The following AIM2 variants were observed in gnomAD, a reference collection of about 807,000 sequenced individuals.
The protein encoded by AIM2 is interferon-inducible protein AIM2.
In AIM2, 30 loss-of-function variants were observed where a neutral mutation model predicts 27.7. The ratio of observed to expected loss-of-function variants is 1.08; its 90% CI spans 0.81 to 1.47. The LOEUF (loss-of-function observed/expected upper bound fraction) is 1.47. Ranked by LOEUF, AIM2 falls within the 40% of genes most tolerant of loss-of-function variation. The pLI, the probability that AIM2 is intolerant of heterozygous loss-of-function variation, is 0.00. For synonymous variants in AIM2, 141 were observed against 145.3 expected (o/e 0.97, Z 0.21); for missense variants, 358 against 411.3 (o/e 0.87, Z 1.12).
upstream of AIM2, among the ~76,000 whole-genome samples, chr1:159,143,725 T>A (rs1473719973): frequency 2.0e-5 from 3 of 152,144 alleles, no homozygotes; most frequent in African/African-American, 7.2e-5. Flanking sequence ...GATCATGTGT[T>A]GTCTACAACC....
chr1:159,101,045 T>C (rs919096766), intron 1 of AIM2, among the ~76,000 whole-genome samples: 1 of 152,188 alleles, frequency 6.6e-6, no homozygotes, highest in African/African-American at 2.4e-5. Flanking sequence ...TCATCACAGA[T>C]AAGTTAGACA....
intron 2 of AIM2, among the ~76,000 whole-genome samples, chr1:159,069,165 A>G (rs1656245750): frequency 6.6e-6 from 1 of 151,928 alleles, no homozygotes; most frequent in Non-Finnish European, 1.5e-5. Context: ...AAAGACAAGA[A>G]ACAAAAACTA....
chr1:159,075,380 T>C (rs954933900), intron 1 of AIM2, among the ~76,000 whole-genome samples: 2 of 151,270 alleles, frequency 1.3e-5, no homozygotes, highest in Non-Finnish European at 2.9e-5. Flanking sequence ...GTTCCTTAAA[T>C]AAGGCACAAA....
At chr1:159,077,792 T>C (rs1256558876), upstream of AIM2, among the ~76,000 whole-genome samples, 1 of 152,176 alleles carries the variant, frequency 6.6e-6, no homozygotes, top group African/African-American at 2.4e-5. Flanking sequence ...GCAATTTACT[T>C]GAGGTTTTCC....
chr1:159,111,355 C>T (rs1298412578), intron 1 of AIM2, among the ~76,000 whole-genome samples: 3 of 152,104 alleles, frequency 2.0e-5, no homozygotes, highest in East Asian at 3.9e-4. Flanking sequence ...GCAAAATAGA[C>T]GTTGTTATTT....
chr1:159,065,836 C>T, intron 4 of AIM2, 74 bp downstream of exon 4: 3 of 1,457,394 alleles, frequency 2.1e-6, no homozygotes, highest in Admixed American at 2.4e-5. Flanking sequence ...AAACCATTTC[C>T]AAAGTTTCTT....
chr1:159,118,403 CA>C (rs1186204481), intron 1 of AIM2, among the ~76,000 whole-genome samples: 1 of 152,058 alleles, frequency 6.6e-6, no homozygotes, highest in South Asian at 2.1e-4. Context: ...GGAATCTGAA[CA>C]AAAGTCTTGA....
intron 1 of AIM2, among the ~76,000 whole-genome samples, chr1:159,146,368 C>A (rs994226448): frequency 6.6e-6 from 1 of 152,120 alleles, no homozygotes; most frequent in South Asian, 2.1e-4. Flanking sequence ...CCTGCTGTTT[C>A]TAACCCCAAG....
At chr1:159,069,999 G>C (rs1656281021) in intron 2 of AIM2, among the ~76,000 whole-genome samples, 1 of 152,144 alleles carries the variant, frequency 6.6e-6, no homozygotes, top group Non-Finnish European at 1.5e-5. Context: ...TTCACACAGT[G>C]TTCCCTCTGA....
chr1:159,141,913 G>A (rs568905645), upstream of AIM2, among the ~76,000 whole-genome samples: 1 of 152,284 alleles, frequency 6.6e-6, no homozygotes, highest in Admixed American at 6.5e-5. Context: ...CCCAGACTCA[G>A]AATCCCTGAT....
At chr1:159,113,882 T>G (rs1647257088) in intron 1 of AIM2, among the ~76,000 whole-genome samples, 1 of 152,216 alleles carries the variant, frequency 6.6e-6, no homozygotes, top group Non-Finnish European at 1.5e-5. Context: ...TACTGGCTAT[T>G]TTCACTTAGA....
downstream of AIM2, among the ~76,000 whole-genome samples, chr1:159,062,158 A>G (rs1655858582): frequency 6.6e-6 from 1 of 152,044 alleles, no homozygotes; most frequent in South Asian, 2.1e-4. Context: ...CTAGTTTTCC[A>G]TTGGGCTTTA....
chr1:159,115,301 A>G (rs184610934), intron 1 of AIM2, among the ~76,000 whole-genome samples: 2 of 152,354 alleles, frequency 1.3e-5, no homozygotes, highest in East Asian at 1.9e-4. Context: ...TCAAGCTATC[A>G]GTGACTTTCT....
rs964495483 is a variant in AIM2, at chr1:159,110,513, A to C, written c.-16+29918T>G. On this transcript the variant is annotated intron_variant, in intron 1 of 2. Coordinates refer to the AIM2 transcript ENST00000368129. ...TAGACCCTCTAGCTGTGCCGTTGGT[A>C]TACCAGGGTCTATGGACCTCAAAGT... Among the ~76,000 whole-genome samples, 9 of 152,312 alleles carry C rather than the reference A, an allele frequency of 5.9e-5. No homozygotes were observed. In the East Asian group the frequency reaches 7.7e-4, roughly 13 times the overall value.
chr1:159,082,636 G>C (rs1656805828), intron 1 of AIM2, among the ~76,000 whole-genome samples: 1 of 152,088 alleles, frequency 6.6e-6, no homozygotes, highest in Non-Finnish European at 1.5e-5. Context: ...AGAGATGAAA[G>C]TGCTCCCTGG....
chr1:159,132,241 A>G (rs1647906543), intron 1 of AIM2: 1 of 150,390 alleles, frequency 6.6e-6, no homozygotes, highest in Non-Finnish European at 1.5e-5. Flanking sequence ...GGTGGCGGGT[A>G]CCTGTAATCC....
At chr1:159,108,003 A>G (rs2852725) in intron 1 of AIM2, among the ~76,000 whole-genome samples, 1 of 152,224 alleles carries the variant, frequency 6.6e-6, no homozygotes, top group Non-Finnish European at 1.5e-5. Context: ...AATTCTATTG[A>G]CACTATTCCA....
intron 1 of AIM2, among the ~76,000 whole-genome samples, chr1:159,119,871 T>C (rs551442135): frequency 6.6e-6 from 1 of 152,056 alleles, no homozygotes; most frequent in South Asian, 2.1e-4. Flanking sequence ...TCTCCACATA[T>C]GCACACTCAC....
At chr1:159,093,733 CAG>C (rs57305983) in intron 1 of AIM2, among the ~76,000 whole-genome samples, 8,285 of 143,244 alleles carry the variant, frequency 0.058, 516 homozygotes, top group East Asian at 0.31. Flanking sequence ...TATATATATA[CAG>C]AGAGAGAGAG....
Sources: allele counts gnomAD v4.1 joint callset (sites outside exome capture counted in the v4.1 genomes callset), GRCh38; gene constraint gnomAD v4.1.1; transcripts MANE v1.5; gene names NCBI Gene and HGNC (gene_info 2026-07-23, HGNC 2026-07-21).